PRDM6: variants seen among roughly 807,000 people sequenced by gnomAD.
The protein encoded by PRDM6 is putative histone-lysine N-methyltransferase PRDM6.
PRDM6 carries 25 observed loss-of-function variants against 60.8 expected under a neutral mutation model. The observed-to-expected ratio is 0.41, with a 90% CI of 0.30 to 0.57. PRDM6 has a LOEUF of 0.57. Ranked by LOEUF, PRDM6 falls within the 20% of genes least tolerant of loss-of-function variation. The pLI, the probability that PRDM6 is intolerant of heterozygous loss-of-function variation, is 0.27. For synonymous variants in PRDM6, 407 were observed against 357.4 expected, an observed-to-expected ratio of 1.14 and a Z score of -1.57; for missense variants, 839 against 821.3, an observed-to-expected ratio of 1.02 and a Z score of -0.26.
In PRDM6 at chr5:123,180,348, C is replaced by G. The variant is rs753892050; in HGVS notation, c.1673+25C>G. The G allele has an allele frequency of 3.9e-6, 6 of 1,530,690 alleles. No homozygotes were observed. In the East Asian group the frequency reaches 1.2e-4, roughly 31 times the overall value. The allele number at this position is 1,530,690 out of a possible 1,614,324, so 94.8% of individuals were successfully genotyped here. On this transcript the variant is annotated intron_variant, in intron 7 of 7. Transcript: ENST00000407847. Reference sequence around the variant, plus strand: ...AGTAAGTAGTGGCTAGCCCTCCACCCTCTCTTTCTCTTAGCCTTTCCCAAG... The same window carrying G: ...AGTAAGTAGTGGCTAGCCCTCCACCGTCTCTTTCTCTTAGCCTTTCCCAAG...
At chr5:123,180,094 T>G (rs2126890094) in intron 6 of PRDM6, 53 bp from the exon 7 acceptor site, 1 of 1,462,510 alleles carries the variant, frequency 6.8e-7, no homozygotes, top group Middle Eastern at 2.0e-4. Context: ...GATTCTGACT[T>G]CCACTGACCA....
Position 123,180,229 on chromosome 5 carries a change from C to T in PRDM6, c.1579C>T (p.Arg527Trp). The part of the protein sequence containing the change: ...RNHVVTHSSD[R>W]PFKCGYCGRA... Reference sequence around the variant, plus strand: ...CCACGTGGTCACTCACTCTAGTGACCGGCCTTTCAAGTGCGGCTACTGTGG... The same window carrying T: ...CCACGTGGTCACTCACTCTAGTGACTGGCCTTTCAAGTGCGGCTACTGTGG... Residue 527 changes from arginine (R) to tryptophan (W), a missense_variant, in exon 7 of 8, where the codon CGG (arginine) becomes TGG (tryptophan). By Grantham distance (101) the Arg-to-Trp change is moderately radical. This residue lies in a region of PRDM6 where 109 missense variants were observed against 172.6 expected (regional missense o/e 0.63). Coordinates refer to ENST00000407847, the MANE Select transcript of PRDM6 (RefSeq NM_001136239.4). The T allele has an allele frequency of 1.3e-6, 2 of 1,552,054 alleles. No homozygotes were observed. Among genetic ancestry groups the T allele is most frequent in the Non-Finnish European group, 1.7e-6 (2 of 1,147,074 alleles).
chr5:123,101,932 T>A (rs181128005), intron 3 of PRDM6, among the ~76,000 whole-genome samples: 5 of 152,358 alleles, frequency 3.3e-5, no homozygotes, highest in African/African-American at 1.2e-4. Flanking sequence ...GATACTTCAG[T>A]AGATATAAAG....
intron 3 of PRDM6, among the ~76,000 whole-genome samples, chr5:123,129,764 A>C (rs1764779024): frequency 5.3e-5 from 8 of 152,220 alleles, no homozygotes; most frequent in Admixed American, 5.2e-4. Flanking sequence ...TTATCATATC[A>C]TCATGTGTCT....
At chr5:123,129,337 A>G (rs1184898530) in intron 3 of PRDM6, among the ~76,000 whole-genome samples, 2 of 152,248 alleles carry the variant, frequency 1.3e-5, no homozygotes, top group South Asian at 2.1e-4. Context: ...CATTGAATCT[A>G]TATATTACCT....
chr5:123,165,973 G>A (rs1765743010), intron 5 of PRDM6, among the ~76,000 whole-genome samples: 1 of 152,048 alleles, frequency 6.6e-6, no homozygotes, highest in Non-Finnish European at 1.5e-5. Context: ...ATTTTCTATG[G>A]CCCATATAGC....
At chr5:123,094,819 T>C (rs914223946) in intron 2 of PRDM6, among the ~76,000 whole-genome samples, 2 of 152,142 alleles carry the variant, frequency 1.3e-5, no homozygotes, top group East Asian at 3.9e-4. Context: ...CTCTGCGCAA[T>C]ATTCTCTCAC....
intron 3 of PRDM6, among the ~76,000 whole-genome samples, chr5:123,117,937 T>G (rs1764495159): frequency 6.6e-6 from 1 of 152,210 alleles, no homozygotes; most frequent in African/African-American, 2.4e-5. Flanking sequence ...GATAAGCTTC[T>G]CAATGTGCCA....
At chr5:123,150,929 A>G (rs886132351) in intron 3 of PRDM6, among the ~76,000 whole-genome samples, 4 of 152,210 alleles carry the variant, frequency 2.6e-5, no homozygotes, top group African/African-American at 9.7e-5. Flanking sequence ...TTCAAAAAGC[A>G]TGTAATATTT....
chr5:123,163,991 G>A (rs1376405332), intron 5 of PRDM6, among the ~76,000 whole-genome samples: 7 of 152,106 alleles, frequency 4.6e-5, no homozygotes, highest in African/African-American at 7.2e-5. Flanking sequence ...CACCAACAGC[G>A]AGAAACTAGG....
At chr5:123,103,670 G>A (rs1025838611) in intron 3 of PRDM6, among the ~76,000 whole-genome samples, 4 of 151,834 alleles carry the variant, frequency 2.6e-5, no homozygotes, top group South Asian at 2.1e-4. Context: ...AGTTGCACAC[G>A]GTTTCCTCTT....
chr5:123,180,167 G>T lies in PRDM6; in HGVS notation c.1517G>T (p.Cys506Phe). The T allele has an allele frequency of 6.4e-7, 1 of 1,550,734 alleles. No homozygotes were observed. Among genetic ancestry groups the T allele is most frequent in the Non-Finnish European group, 8.7e-7 (1 of 1,146,128 alleles). The change falls in exon 7 of 8, where the codon TGC becomes TTC. Residue 506 changes from cysteine to phenylalanine, a missense_variant. Around this residue, in one of 2 missense-constraint regions of PRDM6, gnomAD observed 109 missense variants for 172.6 expected, o/e 0.63. Transcript: ENST00000407847. Reference sequence around the variant, plus strand: ...TTCAGACCCTACCAATGCGGCCACTGCTCCCAGTCCTTTTCCCAGCCTTCA... The same window carrying T: ...TTCAGACCCTACCAATGCGGCCACTTCTCCCAGTCCTTTTCCCAGCCTTCA... ...NPDRPYQCGH[C>F]SQSFSQPSEL...
chr5:123,156,552 A>T (rs914102505), intron 4 of PRDM6, among the ~76,000 whole-genome samples: 1 of 152,228 alleles, frequency 6.6e-6, no homozygotes, highest in African/African-American at 2.4e-5. Context: ...TAAAGGTGGC[A>T]GTGGGTTTGG....
chr5:123,144,144 G>T (rs335175), intron 3 of PRDM6, among the ~76,000 whole-genome samples: 109,047 of 152,064 alleles, frequency 0.72, 39,245 homozygotes, highest in Non-Finnish European at 0.75. Flanking sequence ...GGGGTTGCCC[G>T]TGTCACCAGA....
In PRDM6 at chr5:123,170,885, C is replaced by T; in HGVS notation, c.1273C>T (p.Pro425Ser). 1 of 1,552,238 alleles carries T rather than the reference C, an allele frequency of 6.4e-7. No homozygotes were observed. Among genetic ancestry groups the T allele is most frequent in the Non-Finnish European group, 8.7e-7 (1 of 1,147,102 alleles). ...QQRSVVFPQT[P>S]CSRNFSLLDK... Reference sequence around the variant, plus strand: ...GCGCTCCGTTGTTTTCCCCCAGACTCCGTGCAGCAGGAACTTCTCTCTTCT... The same window carrying T: ...GCGCTCCGTTGTTTTCCCCCAGACTTCGTGCAGCAGGAACTTCTCTCTTCT... The change falls in exon 6 of 8, where the codon CCG (proline) becomes TCG (serine). Residue 425 changes from proline (P) to serine (S), a missense_variant. Transcript: ENST00000407847.
intron 5 of PRDM6, among the ~76,000 whole-genome samples, chr5:123,164,141 G>T (rs1190080430): frequency 6.6e-6 from 1 of 151,472 alleles, no homozygotes; most frequent in Non-Finnish European, 1.5e-5. Flanking sequence ...TGTCCTGGAG[G>T]AGCTCAGTCT....
In PRDM6 at chr5:123,090,176, GCCGCCC is replaced by G; in HGVS notation, c.172_177del (p.Pro58_Pro59del). 3 of 1,487,606 alleles carry G rather than the reference GCCGCCC, an allele frequency of 2.0e-6. No individual in the cohort carries two copies. The highest frequency in any genetic ancestry group is 1.3e-5 in the South Asian group (1 of 76,972). 92.2% of individuals were successfully genotyped at this position (1,487,606 alleles called of 1,614,324 possible). ...CGCCGCAGCCTCTTCAGCCGCCGCC[GCCGCCC>G]CCGCCCCCGGAGCGCGCTGAGCCTC... is the stretch of plus-strand genomic sequence containing the variant. On this transcript the variant is annotated inframe_deletion, in exon 2 of 8. Coordinates refer to ENST00000407847, the MANE Select transcript of PRDM6 (RefSeq NM_001136239.4).
At chr5:123,131,969 G>A (rs760740937) in intron 3 of PRDM6, among the ~76,000 whole-genome samples, 23 of 152,130 alleles carry the variant, frequency 1.5e-4, no homozygotes, top group Non-Finnish European at 2.5e-4. Context: ...AATGGAAATA[G>A]TAATAGTATC....
chr5:123,106,033 G>A (rs940879434), intron 3 of PRDM6, among the ~76,000 whole-genome samples: 9 of 152,308 alleles, frequency 5.9e-5, no homozygotes, highest in East Asian at 5.8e-4. Context: ...CTGCCTGTTC[G>A]TACTCTTCTT....
Sources: gnomAD v4.1 joint callset for allele counts (sites outside exome capture counted in the v4.1 genomes callset) on GRCh38, gnomAD v4.1.1 for gene constraint, gnomAD v4.1.1 regional missense constraint, MANE v1.5 for transcripts, NCBI Gene and HGNC (gene_info 2026-07-23, HGNC 2026-07-21) for gene names.